The following SFMBT2 variants were observed in gnomAD, a reference collection of about 807,000 sequenced individuals.
The protein encoded by SFMBT2 is scm-like with four MBT domains protein 2.
In SFMBT2, 38 loss-of-function variants were observed where a neutral mutation model predicts 110.1. The observed-to-expected ratio is 0.35, with a 90% confidence interval of 0.27 to 0.45. The LOEUF is 0.45. Ranked by LOEUF, SFMBT2 falls within the 20% of genes least tolerant of loss-of-function variation. The pLI is 1.00. For synonymous variants in SFMBT2, 425 were observed against 425.4 expected, an observed-to-expected ratio of 1.00 and a Z score of 0.01; for missense variants, 1,011 against 1,094.9, an observed-to-expected ratio of 0.92 and a Z score of 1.08.
chr10:7,256,719 T>C (rs1841018884), intron 7 of SFMBT2, among the ~76,000 whole-genome samples: 1 of 152,204 alleles, frequency 6.6e-6, no homozygotes. Context: ...GTGGTTAATC[T>C]AGTACACGTG....
intron 4 of SFMBT2, among the ~76,000 whole-genome samples, chr10:7,341,149 C>A (rs1302039188): frequency 1.3e-5 from 2 of 152,192 alleles, no homozygotes; most frequent in African/African-American, 4.8e-5. Context: ...GGAATCAATT[C>A]ACCTAAGGCA....
At chr10:7,381,705 C>A in intron 2 of SFMBT2, 94 bp downstream of exon 2, 1 of 1,336,100 alleles carries the variant, frequency 7.5e-7, no homozygotes, top group Non-Finnish European at 1.0e-6. Context: ...TATGTGAGAT[C>A]TACAAATGTT....
intron 4 of SFMBT2, among the ~76,000 whole-genome samples, chr10:7,347,419 C>A (rs12245410): frequency 6.6e-6 from 1 of 152,084 alleles, no homozygotes; most frequent in Non-Finnish European, 1.5e-5. Context: ...TAAACCACAC[C>A]ATCAAAGCCC....
At chr10:7,285,733 G>T in intron 5 of SFMBT2, 133 bp downstream of exon 5, 2 of 670,818 alleles carry the variant, frequency 3.0e-6, no homozygotes, top group Admixed American at 2.1e-5. Context: ...AAGAGGAAGG[G>T]AGGCTATTTG....
intron 7 of SFMBT2, among the ~76,000 whole-genome samples, chr10:7,271,605 T>C (rs1378467395): frequency 1.3e-5 from 2 of 152,192 alleles, no homozygotes; most frequent in African/African-American, 4.8e-5. Context: ...TTGGGGAATC[T>C]ATATTTGAAA....
At chr10:7,345,093 A>C (rs1020831661) in intron 4 of SFMBT2, among the ~76,000 whole-genome samples, 1 of 152,160 alleles carries the variant, frequency 6.6e-6, no homozygotes, top group East Asian at 1.9e-4. Flanking sequence ...AGGGCTTCAC[A>C]GAGAGATGGA....
chr10:7,201,249 A>T lies in SFMBT2; in HGVS notation c.1488-765T>A, dbSNP rs142342674. The stretch of plus-strand genomic sequence containing the variant: ...GCCCACAGCATTGACGCTACCTGTG[A>T]ACTTGTTAGAAATGCAGATTCTTGG... On this transcript the variant is annotated intron_variant, in intron 13 of 20. Transcript: ENST00000397167. Among the ~76,000 whole-genome samples, 51 of 152,350 alleles carry T rather than the reference A, an allele frequency of 3.3e-4. 1 individual carries two copies. Among genetic ancestry groups the T allele is most frequent in the African/African-American group, 8.9e-4 (37 of 41,576 alleles).
At chr10:7,274,237 T>C (rs1222474333) in intron 7 of SFMBT2, among the ~76,000 whole-genome samples, 2 of 152,146 alleles carry the variant, frequency 1.3e-5, no homozygotes, top group African/African-American at 2.4e-5. Context: ...CTGTTATCCC[T>C]GCACTTTAGG....
At chr10:7,359,917 G>A (rs988984627) in intron 4 of SFMBT2, among the ~76,000 whole-genome samples, 1 of 151,114 alleles carries the variant, frequency 6.6e-6, no homozygotes, top group Non-Finnish European at 1.5e-5. Flanking sequence ...TCAAAGCATC[G>A]ATTTCAGAAC....
chr10:7,322,518 C>T (rs1258423075), intron 4 of SFMBT2, among the ~76,000 whole-genome samples: 1 of 151,966 alleles, frequency 6.6e-6, no homozygotes, highest in Admixed American at 6.6e-5. Flanking sequence ...GCATCGATTC[C>T]AGATGGATTA....
At chr10:7,251,862 C>T (rs546544421) in intron 7 of SFMBT2, among the ~76,000 whole-genome samples, 20 of 152,266 alleles carry the variant, frequency 1.3e-4, no homozygotes, top group African/African-American at 3.4e-4. Flanking sequence ...GTCTGGTGCA[C>T]GGGGACAAGC....
Position 7,408,344 on chromosome 10 carries a change from A to G in SFMBT2, c.-52+2517T>C, listed in dbSNP as rs893746455. On this transcript the variant is annotated intron_variant, in intron 1 of 20. Coordinates refer to ENST00000397167, the MANE Select transcript of SFMBT2 (RefSeq NM_001387889.1). The surrounding 1 kb of genome is among the most constrained non-coding windows in gnomAD (Gnocchi z 5.7). ...AGGGGTCACCTGCCGCGGGGTCTCC[A>G]AGCCAGTGCCGCTTGCTCCCGGCCC... is the stretch of plus-strand genomic sequence containing the variant. Among the ~76,000 whole-genome samples, 3 of 152,028 alleles carry G rather than the reference A, an allele frequency of 2.0e-5. No individual in the cohort carries two copies. Among genetic ancestry groups the G allele is most frequent in the Admixed American group, 2.0e-4 (3 of 15,284 alleles).
chr10:7,288,266 C>A (rs75036305), intron 4 of SFMBT2, among the ~76,000 whole-genome samples: 2,246 of 152,258 alleles, frequency 0.015, 35 homozygotes, highest in South Asian at 0.045. Context: ...CCAACATGCA[C>A]GGAACTCAGG....
At chr10:7,169,911 G>T (rs1489608983) in intron 20 of SFMBT2, among the ~76,000 whole-genome samples, 1 of 152,102 alleles carries the variant, frequency 6.6e-6, no homozygotes, top group African/African-American at 2.4e-5. Flanking sequence ...GACTGTTATT[G>T]CATTTGTCCA....
intron 1 of SFMBT2, among the ~76,000 whole-genome samples, chr10:7,387,746 C>T (rs1049207995): frequency 5.6e-5 from 8 of 143,756 alleles, no homozygotes; most frequent in African/African-American, 2.1e-4. Context: ...GCCTGGCCAA[C>T]ATGGCGAAAC....
intron 11 of SFMBT2, chr10:7,207,689 AAC>A (rs1272806827): frequency 1.2e-6 from 1 of 832,840 alleles, no homozygotes; most frequent in Non-Finnish European, 1.4e-6. Context: ...CCAACAACCA[AAC>A]ACAAAATGGT....
At chr10:7,314,935 GAGAGAA>G (rs924320721) in intron 4 of SFMBT2, among the ~76,000 whole-genome samples, 3 of 150,044 alleles carry the variant, frequency 2.0e-5, no homozygotes, top group African/African-American at 7.4e-5. Flanking sequence ...AAGAGAGAGA[GAGAGAA>G]AGAGAAAGAG....
At chr10:7,174,707 A>G (rs1259174891) in intron 17 of SFMBT2, among the ~76,000 whole-genome samples, 1 of 152,222 alleles carries the variant, frequency 6.6e-6, no homozygotes, top group Non-Finnish European at 1.5e-5. Context: ...GTACACGGCA[A>G]AGGCGAGCCC....
intron 4 of SFMBT2, among the ~76,000 whole-genome samples, chr10:7,337,303 A>G (rs1036113498): frequency 9.2e-5 from 14 of 152,328 alleles, no homozygotes; most frequent in African/African-American, 3.4e-4. Flanking sequence ...TTTCTTTGCA[A>G]GAGCATCATT....
Sources: gnomAD v4.1 joint callset for allele counts (sites outside exome capture counted in the v4.1 genomes callset) on GRCh38, gnomAD v4.1.1 for gene constraint, Gnocchi (gnomAD v3.1) non-coding constraint, MANE v1.5 for transcripts, NCBI Gene and HGNC (gene_info 2026-07-23, HGNC 2026-07-21) for gene names.